Variants in ATAD5 observed in about 807,000 individuals in gnomAD.
The protein encoded by ATAD5 is ATPase family AAA domain-containing protein 5.
Under a neutral mutation model 176.9 loss-of-function variants are expected in ATAD5, and 58 were observed. The ratio of observed to expected loss-of-function variants is 0.33; its 90% CI spans 0.27 to 0.41. The LOEUF is 0.41. ATAD5 is among the 10% of genes least tolerant of loss of function. The pLI is 1.00. For missense variants in ATAD5, 1,789 were observed against 2,094.1 expected, an observed-to-expected ratio of 0.85 and a Z score of 2.84; for synonymous variants, 640 against 712.6, an observed-to-expected ratio of 0.90 and a Z score of 1.62.
Position 30,876,500 on chromosome 17 carries a change from C to T in ATAD5, c.3734C>T (p.Pro1245Leu). The part of the protein sequence containing the change: ...KTLANYFKVS[P>L]KPKNNEEIGM... Reference sequence around the variant, plus strand: ...TTGGCAAATTATTTTAAAGTATCTCCCAAACCTAAAAATAATGAAGAAATA... The same window carrying T: ...TTGGCAAATTATTTTAAAGTATCTCTCAAACCTAAAAATAATGAAGAAATA... Residue 1245 changes from proline to leucine, a missense_variant, in exon 15 of 23, where the codon CCC becomes CTC. Physicochemically the swap from Pro to Leu is moderately conservative, Grantham distance 98. Transcript: ENST00000321990. The T allele has an allele frequency of 6.3e-7, 1 of 1,595,010 alleles. No homozygotes were observed. The highest frequency in any genetic ancestry group is 8.6e-7 in the Non-Finnish European group (1 of 1,166,070).
At chr17:30,892,849 A>AATGTTGG in intron 20 of ATAD5, 61 bp downstream of exon 20, 1 of 1,313,176 alleles carries the variant, frequency 7.6e-7, no homozygotes, top group Non-Finnish European at 1.0e-6. Context: ...TCCCAACATT[A>AATGTTGG]GCCTCCTATC....
chr17:30,892,223 G>C (rs1266550970), intron 19 of ATAD5, among the ~76,000 whole-genome samples: 4 of 151,534 alleles, frequency 2.6e-5, no homozygotes, highest in African/African-American at 7.3e-5. Flanking sequence ...TCAAGAGTTC[G>C]AGATCAGCCT....
chr17:30,852,941 T>A (rs1567684806), intron 6 of ATAD5, among the ~76,000 whole-genome samples: 1 of 150,584 alleles, frequency 6.6e-6, no homozygotes. Flanking sequence ...CAGGCTGGAG[T>A]GCAATGGCAT....
At chr17:30,866,331 G>A (rs1907980803) in intron 11 of ATAD5, among the ~76,000 whole-genome samples, 1 of 149,962 alleles carries the variant, frequency 6.7e-6, no homozygotes, top group South Asian at 2.1e-4. Flanking sequence ...CTGAGTAGCT[G>A]GGACTACAGG....
chr17:30,855,386 CTATG>C, intron 7 of ATAD5, 59 bp downstream of exon 7: 1 of 1,454,178 alleles, frequency 6.9e-7, no homozygotes, highest in South Asian at 1.4e-5. Flanking sequence ...GAACATTAAA[CTATG>C]TAAGTTTCTT....
rs1305456283 is a variant in ATAD5 at position 30,837,282 on chromosome 17, A to G, written c.2044A>G (p.Thr682Ala). ...CAAAAGATCTGAGAAATCTGAAGCAACTGATGGAGGTTTTACTTCTCAGAT... is the reference window on the plus strand; with the variant it reads ...CAAAAGATCTGAGAAATCTGAAGCAGCTGATGGAGGTTTTACTTCTCAGAT... ...SNKRSEKSEA[T>A]DGGFTSQIRK... Residue 682 changes from threonine to alanine, a missense_variant, in exon 3 of 23, where the codon ACT (threonine) becomes GCT (alanine). Thr to Ala is a moderately conservative substitution (Grantham distance 58, BLOSUM62 0). Around this residue, in one of 6 missense-constraint regions of ATAD5, gnomAD observed 487 missense variants for 573.6 expected, o/e 0.85. Coordinates refer to ENST00000321990, the MANE Select transcript of ATAD5 (RefSeq NM_024857.5). 6.3e-7 allele frequency: 1 copy of G among 1,583,380 alleles called. No homozygotes were observed. Among genetic ancestry groups the G allele is most frequent in the African/African-American group, 1.4e-5 (1 of 73,192 alleles).
Position 30,837,331 on chromosome 17 carries a change from A to T in ATAD5, c.2076+17A>T, listed in dbSNP as rs776646466. The T allele has an allele frequency of 5.3e-5, 78 of 1,473,414 alleles. No individual in the cohort carries two copies. Among genetic ancestry groups the T allele is most frequent in the Non-Finnish European group, 6.6e-5 (71 of 1,080,348 alleles). The allele number at this position is 1,473,414 out of a possible 1,614,324, so 91.3% of individuals were successfully genotyped here. On this transcript the variant is annotated intron_variant, in intron 3 of 22. Coordinates refer to ENST00000321990, the MANE Select transcript of ATAD5 (RefSeq NM_024857.5). Reference sequence around the variant, plus strand: ...ATTAGAAAGGTAATTAAAATATTAGAGAGTCCTATAAGTGCCATTCTGTTT... The same window carrying T: ...ATTAGAAAGGTAATTAAAATATTAGTGAGTCCTATAAGTGCCATTCTGTTT...
chr17:30,844,087 G>T, intron 5 of ATAD5, 48 bp downstream of exon 5: 1 of 1,342,710 alleles, frequency 7.4e-7, no homozygotes, highest in Non-Finnish European at 9.8e-7. Context: ...ATGTTTTGGG[G>T]TTTTTGTTTT....
intron 6 of ATAD5, among the ~76,000 whole-genome samples, chr17:30,854,514 G>A (rs542295879): frequency 5.3e-5 from 8 of 151,032 alleles, no homozygotes; most frequent in Admixed American, 1.3e-4. Flanking sequence ...TGGGATTACA[G>A]GCACCCGCCA....
At chr17:30,840,195 TAAAAA>T (rs55696194) in intron 3 of ATAD5, among the ~76,000 whole-genome samples, 2 of 106,076 alleles carry the variant, frequency 1.9e-5, no homozygotes, top group South Asian at 3.0e-4. Flanking sequence ...TAGACTCTGT[TAAAAA>T]AAAAAAAAAA....
Position 30,834,228 on chromosome 17 carries a change from T to C in ATAD5, c.147T>C (p.Thr49=). 1 of 1,612,740 alleles carries C rather than the reference T, an allele frequency of 6.2e-7. No homozygotes were observed. Among genetic ancestry groups the C allele is most frequent in the Non-Finnish European group, 8.5e-7 (1 of 1,179,620 alleles). ...AATATTTATCACCACTAGGGAAGAC[T>C]AGAGACAGGGTTTTTGCTCCACCAA... ...ITKYLSPLGK[T]RDRVFAPPKP... is the part of the protein sequence containing the mutation. The change falls in exon 2 of 23, where the codon ACT becomes ACC. Residue 49 remains threonine (T), a synonymous_variant. Coordinates refer to ENST00000321990, the MANE Select transcript of ATAD5 (RefSeq NM_024857.5).
At chr17:30,872,476 T>C (rs907283712) in intron 14 of ATAD5, among the ~76,000 whole-genome samples, 1 of 152,030 alleles carries the variant, frequency 6.6e-6, no homozygotes, top group African/African-American at 2.4e-5. Context: ...TTTGCCCAGC[T>C]GTTTCTTCTG....
intron 10 of ATAD5, among the ~76,000 whole-genome samples, chr17:30,865,462 G>A (rs1359616323): frequency 6.6e-6 from 1 of 152,012 alleles, no homozygotes; most frequent in African/African-American, 2.4e-5. Flanking sequence ...GTGAACCACC[G>A]CGCCTGGCTA....
intron 6 of ATAD5, among the ~76,000 whole-genome samples, chr17:30,851,357 G>T (rs547489707): frequency 6.6e-6 from 1 of 150,956 alleles, no homozygotes; most frequent in Non-Finnish European, 1.5e-5. Context: ...TTAGCCAGGC[G>T]TGGTGGCGGG....
In ATAD5 at chr17:30,892,666, T is replaced by A. The variant is rs1225270564; in HGVS notation, c.4318T>A (p.Tyr1440Asn). Residue 1440 changes from tyrosine (Y) to asparagine (N), a missense_variant, in exon 20 of 23, where the codon TAC becomes AAC. Tyr to Asn is a moderately radical substitution (Grantham distance 143). This residue lies in a region of ATAD5 where 403 missense variants were observed against 495.1 expected (regional missense o/e 0.81). Coordinates refer to ENST00000321990, the MANE Select transcript of ATAD5 (RefSeq NM_024857.5). ...TGAACATGGCCTTGATAACAAAATT[T>A]ACCCTAAAAATACTAAAAAGAAACG... ...CSEHGLDNKI[Y>N]PKNTKKKRVD... 2 of 1,599,772 alleles carry A rather than the reference T, an allele frequency of 1.3e-6. No homozygotes were observed. Among genetic ancestry groups the A allele is most frequent in the East Asian group, 2.3e-5 (1 of 44,294 alleles).
chr17:30,866,185 A>AT (rs542432593), intron 11 of ATAD5, among the ~76,000 whole-genome samples: 10,897 of 79,192 alleles, frequency 0.14, 2,106 homozygotes, highest in African/African-American at 0.19. Context: ...GAATTTACAA[A>AT]TTTTTTTTTT....
At chr17:30,882,500 G>A (rs1182483992) in intron 18 of ATAD5, among the ~76,000 whole-genome samples, 1 of 152,142 alleles carries the variant, frequency 6.6e-6, no homozygotes, top group Non-Finnish European at 1.5e-5. Flanking sequence ...TAAGGCAAGA[G>A]GATTGCTTGA....
At chr17:30,856,902 A>G (rs1907319238) in intron 7 of ATAD5, 53 bp from the exon 8 acceptor site, 1 of 1,436,642 alleles carries the variant, frequency 7.0e-7, no homozygotes, top group African/African-American at 1.5e-5. Context: ...ACATTCAGTA[A>G]ATGGATAGTG....
intron 8 of ATAD5, among the ~76,000 whole-genome samples, chr17:30,857,583 A>T (rs1469886311): frequency 6.6e-6 from 1 of 152,182 alleles, no homozygotes; most frequent in Admixed American, 6.6e-5. Context: ...CTTTAAAAAC[A>T]TTTTAAGAAT....
Sources: allele counts gnomAD v4.1 joint callset (sites outside exome capture counted in the v4.1 genomes callset), GRCh38; gene constraint gnomAD v4.1.1; regional missense constraint gnomAD v4.1.1; transcripts MANE v1.5; gene names NCBI Gene and HGNC (gene_info 2026-07-23, HGNC 2026-07-21).